The following MED12L variants were observed in gnomAD, a reference collection of about 807,000 sequenced individuals.
The protein encoded by MED12L is mediator complex subunit 12L.
A neutral mutation model predicts 281.3 loss-of-function variants in MED12L; 60 were observed. The observed-to-expected ratio is 0.21, with a 90% CI of 0.17 to 0.26. MED12L has a LOEUF of 0.26. Among genes scored for constraint, MED12L ranks in the 10% least tolerant of loss-of-function variants. MED12L has a pLI of 1.00. For synonymous variants in MED12L, 974 were observed against 987.2 expected (o/e 0.99, Z 0.25); for missense variants, 2,146 against 2,680.9 (o/e 0.80, Z 4.41).
intron 38 of MED12L, among the ~76,000 whole-genome samples, 197 bp downstream of exon 38, chr3:151,390,332 G>A (rs1714037540): frequency 6.6e-6 from 1 of 152,064 alleles, no homozygotes; most frequent in South Asian, 2.1e-4. Context: ...TACTGATTTT[G>A]GAACTTTTAT....
intron 16 of MED12L, among the ~76,000 whole-genome samples, chr3:151,229,819 G>A (rs1731275315): frequency 6.6e-6 from 1 of 152,100 alleles, no homozygotes; most frequent in Non-Finnish European, 1.5e-5. Flanking sequence ...ATGCAACAAT[G>A]GAGCAACTGT....
intron 21 of MED12L, among the ~76,000 whole-genome samples, chr3:151,361,995 T>A (rs1490532647): frequency 5.3e-5 from 8 of 152,114 alleles, no homozygotes; most frequent in Admixed American, 3.9e-4. Context: ...AGAAAACAAA[T>A]TTGGAATCCA....
At chr3:151,398,047 CT>C (rs1438320692) in intron 39 of MED12L, among the ~76,000 whole-genome samples, 1 of 152,170 alleles carries the variant, frequency 6.6e-6, no homozygotes, top group Non-Finnish European at 1.5e-5. Context: ...TTGTATTATC[CT>C]TTCATCTGCT....
chr3:151,190,625 T>C, intron 13 of MED12L, 92 bp from the exon 14 acceptor site: 1 of 1,145,690 alleles, frequency 8.7e-7, no homozygotes, highest in Non-Finnish European at 1.3e-6. Flanking sequence ...GAAAAGTTGA[T>C]TGTGAAAAGT....
intron 11 of MED12L, among the ~76,000 whole-genome samples, chr3:151,167,110 C>A (rs1384418021): frequency 6.6e-6 from 1 of 152,182 alleles, no homozygotes; most frequent in Non-Finnish European, 1.5e-5. Flanking sequence ...AACAACTAGA[C>A]TGGTGTTTGA....
chr3:151,263,923 A>ATG (rs1739372952), intron 16 of MED12L, among the ~76,000 whole-genome samples: 1 of 152,190 alleles, frequency 6.6e-6, no homozygotes, highest in Admixed American at 6.5e-5. Context: ...CCTTCAGTTA[A>ATG]TGTTAGGAAT....
At chr3:151,102,401 C>T (rs909667354) in intron 2 of MED12L, among the ~76,000 whole-genome samples, 2 of 152,124 alleles carry the variant, frequency 1.3e-5, no homozygotes, top group African/African-American at 2.4e-5. Context: ...AAATTTGTTT[C>T]CTTGACTCAA....
intron 3 of MED12L, among the ~76,000 whole-genome samples, chr3:151,116,903 C>G (rs1712904105): frequency 1.3e-5 from 2 of 152,158 alleles, no homozygotes; most frequent in African/African-American, 4.8e-5. Flanking sequence ...CGGGTGGTGT[C>G]TACCATCTCC....
intron 16 of MED12L, among the ~76,000 whole-genome samples, chr3:151,344,022 G>T (rs1245649707): frequency 6.6e-6 from 1 of 152,026 alleles, no homozygotes; most frequent in Non-Finnish European, 1.5e-5. Context: ...TTATCCATTG[G>T]AATATAGAAA....
intron 16 of MED12L, among the ~76,000 whole-genome samples, chr3:151,274,080 G>T (rs140892826): frequency 2.3e-4 from 35 of 152,244 alleles, no homozygotes; most frequent in African/African-American, 8.4e-4. Context: ...TAAAGTCGTG[G>T]CTCATGAAAG....
intron 16 of MED12L, among the ~76,000 whole-genome samples, chr3:151,270,519 C>T (rs541532746): frequency 3.3e-5 from 5 of 152,074 alleles, no homozygotes; most frequent in Admixed American, 2.0e-4. Flanking sequence ...AGAATTTTAG[C>T]GCTTTTCTTC....
At chr3:151,335,585 C>A (rs2039777557) in intron 16 of MED12L, among the ~76,000 whole-genome samples, 1 of 152,098 alleles carries the variant, frequency 6.6e-6, no homozygotes, top group South Asian at 2.1e-4. Context: ...ACATCTGGAC[C>A]TGAGTCTACA....
intron 13 of MED12L, among the ~76,000 whole-genome samples, chr3:151,189,234 A>G (rs1333122350): frequency 1.3e-5 from 2 of 152,186 alleles, no homozygotes; most frequent in Non-Finnish European, 2.9e-5. Flanking sequence ...GAGTCCTCTG[A>G]GGAGGGGCCT....
chr3:151,089,568 A>G (rs1291497895), intron 2 of MED12L, among the ~76,000 whole-genome samples: 2 of 152,030 alleles, frequency 1.3e-5, no homozygotes, highest in Admixed American at 6.5e-5. Flanking sequence ...TTGTCACCAT[A>G]AATGTAATTT....
chr3:151,411,417 T>C lies in MED12L; in HGVS notation c.6050T>C (p.Met2017Thr), dbSNP rs763274120. 1 of 1,614,120 alleles carries C rather than the reference T, an allele frequency of 6.2e-7. No homozygotes were observed. The highest frequency in any genetic ancestry group is 8.5e-7 in the Non-Finnish European group (1 of 1,180,012). Reference protein sequence around the residue: ...YPAAHSNPVLMERLRQIQQQP... With the variant: ...YPAAHSNPVLTERLRQIQQQP... Reference sequence around the variant, plus strand: ...GCCGCACATTCCAACCCCGTGCTAATGGAAAGACTCAGACAGATTCAGCAG... The same window carrying C: ...GCCGCACATTCCAACCCCGTGCTAACGGAAAGACTCAGACAGATTCAGCAG... Residue 2017 changes from methionine (M) to threonine (T), a missense_variant, in exon 41 of 45, where the codon ATG (methionine) becomes ACG (threonine). Met to Thr is a moderately conservative substitution (Grantham distance 81). This residue lies in a region of MED12L where 496 missense variants were observed against 512.0 expected (regional missense o/e 0.97). Transcript: ENST00000687756.
At chr3:151,377,531 G>A (rs1432813363) in intron 30 of MED12L, among the ~76,000 whole-genome samples, 1 of 152,076 alleles carries the variant, frequency 6.6e-6, no homozygotes, top group Non-Finnish European at 1.5e-5. Context: ...TAATTTTTGT[G>A]CAGAATTAGA....
At chr3:151,274,502 A>G (rs1198061766) in intron 16 of MED12L, among the ~76,000 whole-genome samples, 1 of 152,226 alleles carries the variant, frequency 6.6e-6, no homozygotes, top group Non-Finnish European at 1.5e-5. Flanking sequence ...GGGGGCCAGG[A>G]GAGAAAGAAC....
At position 151,376,071 on chromosome 3, in the gene MED12L, A is replaced by G; in HGVS notation, c.3910A>G (p.Thr1304Ala). The change falls in exon 28 of 45, where the codon ACA becomes GCA. Residue 1304 changes from threonine to alanine, a missense_variant. Physicochemically the swap from Thr to Ala is moderately conservative, Grantham distance 58. Coordinates refer to ENST00000687756, the MANE Select transcript of MED12L (RefSeq NM_001393769.1). ...CTTAAAAGAACCTGAAAGATTATGT[A>G]CAGACAAAGAACTTATATTGGACCC... ...HCLKEPERLC[T>A]DKELILDPVL... 6.2e-7 allele frequency: 1 copy of G among 1,606,222 alleles called. No individual in the cohort carries two copies. Among genetic ancestry groups the G allele is most frequent in the Non-Finnish European group, 8.5e-7 (1 of 1,177,354 alleles).
Position 151,165,523 on chromosome 3 carries a change from C to A in MED12L, c.1357+4C>A. ...AAGTGCCAAGAATCCACAGCAGGTA[C>A]AGAATGCCACAGAGGAACGAGTGCT... is the stretch of plus-strand genomic sequence containing the variant. On this transcript the variant is annotated splice_donor_region_variant and intron_variant, in intron 10 of 44. Coordinates refer to ENST00000687756, the MANE Select transcript of MED12L (RefSeq NM_001393769.1). The A allele has an allele frequency of 3.1e-6, 5 of 1,601,926 alleles. No homozygotes were observed. The highest frequency in any genetic ancestry group is 3.4e-6 in the Non-Finnish European group (4 of 1,169,084).
Sources: gnomAD v4.1 joint callset for allele counts (sites outside exome capture counted in the v4.1 genomes callset) on GRCh38, gnomAD v4.1.1 for gene constraint, gnomAD v4.1.1 regional missense constraint, MANE v1.5 for transcripts, NCBI Gene and HGNC (gene_info 2026-07-23, HGNC 2026-07-21) for gene names.